SLC24A2: variants seen among roughly 807,000 people sequenced by gnomAD.
The protein encoded by SLC24A2 is solute carrier family 24 member 2.
SLC24A2 carries 36 observed loss-of-function variants against 62.0 expected under a neutral mutation model. That is an observed-to-expected ratio of 0.58 (90% CI 0.44 to 0.77). The LOEUF (loss-of-function observed/expected upper bound fraction) is 0.77. Ranked by LOEUF, SLC24A2 falls within the 30% of genes least tolerant of loss-of-function variation. The probability of loss-of-function intolerance (pLI) is 0.00; values close to 1 mark genes in which losing one functional copy is unlikely to be tolerated. For missense variants in SLC24A2, 846 were observed against 817.9 expected (o/e 1.03, Z -0.42); for synonymous variants, 358 against 294.0 (o/e 1.22, Z -2.23).
At chr9:19,582,877 G>T (rs1322623051) in intron 5 of SLC24A2, among the ~76,000 whole-genome samples, 1 of 151,814 alleles carries the variant, frequency 6.6e-6, no homozygotes, top group Non-Finnish European at 1.5e-5. Context: ...TTCAGAATCT[G>T]ACCACTTTTT....
intron 8 of SLC24A2, among the ~76,000 whole-genome samples, chr9:19,538,689 G>C (rs1210212418): frequency 7.5e-6 from 1 of 132,666 alleles, no homozygotes; most frequent in Non-Finnish European, 1.6e-5. Context: ...TCTCTGCCCA[G>C]CTTTGGTATC....
At chr9:20,115,858 A>G in the SLC24A2 span, among the ~76,000 whole-genome samples, 3 of 152,182 alleles carry the variant, frequency 2.0e-5, no homozygotes, top group Non-Finnish European at 2.9e-5. Flanking sequence ...TCAATTTGAG[A>G]CAATTTTAAG....
chr9:20,209,598 C>A, the SLC24A2 span, among the ~76,000 whole-genome samples: 2 of 152,170 alleles, frequency 1.3e-5, no homozygotes, highest in Non-Finnish European at 1.5e-5. Context: ...CTTGAATCCC[C>A]ATTCAGACCT....
chr9:20,128,964 C>A, the SLC24A2 span, among the ~76,000 whole-genome samples: 1 of 152,014 alleles, frequency 6.6e-6, no homozygotes, highest in Non-Finnish European at 1.5e-5. Context: ...GTAAAAACTT[C>A]TGTGCATCGA....
At chr9:20,151,354 C>T in the SLC24A2 span, among the ~76,000 whole-genome samples, 1 of 151,926 alleles carries the variant, frequency 6.6e-6, no homozygotes, top group African/African-American at 2.4e-5. Context: ...ATAATGCCGA[C>T]TTCCATAACA....
chr9:20,264,854 G>C, the SLC24A2 span, among the ~76,000 whole-genome samples: 1 of 152,200 alleles, frequency 6.6e-6, no homozygotes, highest in Admixed American at 6.5e-5. Context: ...TGGTATTAAT[G>C]CCTTCCAGAG....
the SLC24A2 span, among the ~76,000 whole-genome samples, chr9:20,163,945 C>T: frequency 6.6e-6 from 1 of 152,146 alleles, no homozygotes; most frequent in African/African-American, 2.4e-5. Context: ...AAAGCTGAAA[C>T]TGGATCCCTT....
the SLC24A2 span, among the ~76,000 whole-genome samples, chr9:20,055,961 A>G: frequency 3.3e-5 from 5 of 151,956 alleles, no homozygotes; most frequent in African/African-American, 1.2e-4. Context: ...CCGCTCCACT[A>G]TACAGCTATG....
chr9:20,229,858 T>C, the SLC24A2 span, among the ~76,000 whole-genome samples: 2 of 151,948 alleles, frequency 1.3e-5, no homozygotes, highest in South Asian at 4.2e-4. Flanking sequence ...GCATTAGGTA[T>C]ATGTCCTAAT....
At chr9:19,838,227 A>T in the SLC24A2 span, among the ~76,000 whole-genome samples, 1 of 152,166 alleles carries the variant, frequency 6.6e-6, no homozygotes, top group Admixed American at 6.5e-5. Context: ...AGAGGTATAG[A>T]CCAATGGAAC....
chr9:20,095,587 A>T, the SLC24A2 span, among the ~76,000 whole-genome samples: 1 of 152,170 alleles, frequency 6.6e-6, no homozygotes, highest in East Asian at 1.9e-4. Context: ...ACTCAAAGTG[A>T]AACATTGGCT....
chr9:19,745,523 G>T (rs1255687018), intron 2 of SLC24A2, among the ~76,000 whole-genome samples: 1 of 152,024 alleles, frequency 6.6e-6, no homozygotes, highest in Admixed American at 6.6e-5. Flanking sequence ...GAAACTCTGG[G>T]GGTAGATTCA....
intron 3 of SLC24A2, among the ~76,000 whole-genome samples, chr9:19,621,062 A>G (rs751186771): frequency 4.6e-5 from 7 of 152,226 alleles, no homozygotes; most frequent in Admixed American, 1.3e-4. Flanking sequence ...TAAGTCTAAC[A>G]CTAAAGAAAT....
the SLC24A2 span, among the ~76,000 whole-genome samples, chr9:19,865,333 C>A: frequency 6.6e-6 from 1 of 151,858 alleles, no homozygotes; most frequent in African/African-American, 2.4e-5. Context: ...GAAAAAGCAA[C>A]CCTAAAAATC....
chr9:19,842,399 T>C, the SLC24A2 span, among the ~76,000 whole-genome samples: 1 of 152,218 alleles, frequency 6.6e-6, no homozygotes, highest in Non-Finnish European at 1.5e-5. Flanking sequence ...ATGATGTAGT[T>C]AGGAGACAAC....
chr9:19,873,526 TCCTTTCTTTC>T, the SLC24A2 span, among the ~76,000 whole-genome samples: 3 of 137,622 alleles, frequency 2.2e-5, no homozygotes, highest in Admixed American at 7.0e-5. Flanking sequence ...TCTCTCTCCT[TCCTTTCTTTC>T]TCTTTCTTTC....
At chr9:19,894,213 T>A in the SLC24A2 span, among the ~76,000 whole-genome samples, 1 of 152,132 alleles carries the variant, frequency 6.6e-6, no homozygotes, top group Non-Finnish European at 1.5e-5. Flanking sequence ...AACCTTTCCG[T>A]CATCTCACAC....
At chr9:20,037,267 C>T in the SLC24A2 span, among the ~76,000 whole-genome samples, 2 of 152,064 alleles carry the variant, frequency 1.3e-5, no homozygotes, top group African/African-American at 4.8e-5. Context: ...ATATTGTTTG[C>T]ACTTTATGGT....
intron 8 of SLC24A2, among the ~76,000 whole-genome samples, chr9:19,544,205 C>G (rs951832110): frequency 1.4e-5 from 2 of 146,376 alleles, no homozygotes; most frequent in Admixed American, 1.4e-4. Flanking sequence ...CTCTTTTGAT[C>G]TTTGTTGGTT....
Sources: gnomAD v4.1 joint callset for allele counts (sites outside exome capture counted in the v4.1 genomes callset) on GRCh38, gnomAD v4.1.1 for gene constraint, MANE v1.5 for transcripts, NCBI Gene and HGNC (gene_info 2026-07-23, HGNC 2026-07-21) for gene names.